Variants in TAFA2 observed in about 807,000 individuals in gnomAD.
TAFA2 encodes the protein chemokine-like protein TAFA-2.
In TAFA2, 7 loss-of-function variants were observed where a neutral mutation model predicts 18.8. That is an observed-to-expected ratio of 0.37 (90% CI 0.21 to 0.70). The LOEUF is 0.70. Ranked by LOEUF, TAFA2 falls within the 30% of genes least tolerant of loss-of-function variation. TAFA2 has a pLI of 0.53. For missense variants in TAFA2, 122 were observed against 158.1 expected (o/e 0.77, Z 1.23); for synonymous variants, 60 against 54.2 (o/e 1.11, Z -0.47).
At chr12:62,037,125 T>C (rs1881631318) in intron 1 of TAFA2, among the ~76,000 whole-genome samples, 1 of 152,358 alleles carries the variant, frequency 6.6e-6, no homozygotes, top group Non-Finnish European at 1.5e-5. Context: ...ACATTTTCCA[T>C]AATGACCAGG....
At chr12:61,897,997 G>A (rs1875928874) in intron 1 of TAFA2, among the ~76,000 whole-genome samples, 1 of 152,186 alleles carries the variant, frequency 6.6e-6, no homozygotes, top group Non-Finnish European at 1.5e-5. Context: ...TTCCAAATGG[G>A]AGAAATTGTC....
intron 4 of TAFA2, among the ~76,000 whole-genome samples, chr12:61,737,496 T>C (rs576457860): frequency 2.0e-5 from 3 of 151,826 alleles, no homozygotes; most frequent in Non-Finnish European, 2.9e-5. Context: ...ACATATAACA[T>C]AGTGGTTAAG....
intron 4 of TAFA2, among the ~76,000 whole-genome samples, chr12:61,733,082 G>A (rs7488993): frequency 0.34 from 52,171 of 151,812 alleles, 8,973 homozygotes; most frequent in South Asian, 0.38. Context: ...ATAAAAATCT[G>A]AACTAACATG....
At chr12:61,832,105 C>T (rs569332445) in intron 2 of TAFA2, among the ~76,000 whole-genome samples, 89 of 152,208 alleles carry the variant, frequency 5.8e-4, no homozygotes, top group African/African-American at 7.9e-4. Context: ...AATCAAGAGA[C>T]AGACACTAAC....
chr12:61,861,399 G>A (rs1218451316), intron 2 of TAFA2, among the ~76,000 whole-genome samples: 2 of 151,902 alleles, frequency 1.3e-5, no homozygotes, highest in African/African-American at 4.8e-5. Flanking sequence ...ACAGGCACAG[G>A]CCAGCGCACC....
intron 1 of TAFA2, chr12:62,021,823 G>A (rs182665696): frequency 7.2e-5 from 60 of 834,124 alleles, no homozygotes; most frequent in Admixed American, 3.8e-4. Context: ...TCTCCGCTGT[G>A]GATCATCAGG....
chr12:62,085,380 T>C (rs1282745620), intron 1 of TAFA2, among the ~76,000 whole-genome samples: 1 of 152,174 alleles, frequency 6.6e-6, no homozygotes, highest in Non-Finnish European at 1.5e-5. Context: ...ACAATGCTTC[T>C]AGGAGTATAA....
At chr12:61,766,859 G>C (rs1315749776) in intron 2 of TAFA2, among the ~76,000 whole-genome samples, 2 of 152,122 alleles carry the variant, frequency 1.3e-5, no homozygotes, top group African/African-American at 4.8e-5. Flanking sequence ...GTGAATATGT[G>C]TGTATGTGTG....
intron 1 of TAFA2, among the ~76,000 whole-genome samples, chr12:62,217,897 A>C (rs1372009618): frequency 6.6e-6 from 1 of 152,240 alleles, no homozygotes; most frequent in South Asian, 2.1e-4. Flanking sequence ...AAAATGAGCC[A>C]GGAGAAAAAA....
At chr12:62,032,179 T>A (rs768635732) in intron 1 of TAFA2, among the ~76,000 whole-genome samples, 1 of 152,132 alleles carries the variant, frequency 6.6e-6, no homozygotes, top group African/African-American at 2.4e-5. Flanking sequence ...ACATCTCTCT[T>A]GGCAATTTTA....
intron 1 of TAFA2, among the ~76,000 whole-genome samples, chr12:61,884,540 T>C (rs1373691003): frequency 6.6e-6 from 1 of 152,156 alleles, no homozygotes; most frequent in Admixed American, 6.5e-5. Context: ...TTAGGTGCAT[T>C]GCATTTCTCA....
chr12:62,083,317 C>T (rs1296919364), intron 1 of TAFA2, among the ~76,000 whole-genome samples: 1 of 151,974 alleles, frequency 6.6e-6, no homozygotes, highest in African/African-American at 2.4e-5. Context: ...GTAATGACAA[C>T]TTCTTCCTTC....
intron 1 of TAFA2, among the ~76,000 whole-genome samples, chr12:62,101,019 ACCC>A (rs1279604627): frequency 6.6e-6 from 1 of 152,152 alleles, no homozygotes; most frequent in Non-Finnish European, 1.5e-5. Context: ...CTTAAAACAT[ACCC>A]ATACTTGCAG....
chr12:62,241,189 T>A (rs1261483232), intron 1 of TAFA2, among the ~76,000 whole-genome samples: 2 of 152,114 alleles, frequency 1.3e-5, no homozygotes, highest in African/African-American at 4.8e-5. Context: ...TTGCAGCACA[T>A]GAGGAGAGTT....
chr12:61,840,021 G>A (rs1379363855), intron 2 of TAFA2, among the ~76,000 whole-genome samples: 3 of 152,136 alleles, frequency 2.0e-5, no homozygotes, highest in African/African-American at 4.8e-5. Flanking sequence ...GAGAGTGTAC[G>A]GAATGTCCAT....
intron 4 of TAFA2, among the ~76,000 whole-genome samples, chr12:61,714,762 C>G (rs750814962): frequency 6.6e-6 from 1 of 152,134 alleles, no homozygotes; most frequent in Non-Finnish European, 1.5e-5. Flanking sequence ...TCTATTCTGT[C>G]CTTTTATAAA....
chr12:62,009,913 C>G (rs1489573660), intron 1 of TAFA2, among the ~76,000 whole-genome samples: 1 of 152,144 alleles, frequency 6.6e-6, no homozygotes, highest in Admixed American at 6.5e-5. Flanking sequence ...TGACAAAGTA[C>G]TGTGTGTTTA....
chr12:61,879,471 T>C (rs992526177), intron 1 of TAFA2: 1 of 691,422 alleles, frequency 1.4e-6, no homozygotes, highest in Non-Finnish European at 2.6e-6. Context: ...GTGGCCTGGG[T>C]GGAGGCTTTG....
At chr12:61,738,750 T>C (rs934564456) in intron 4 of TAFA2, among the ~76,000 whole-genome samples, 3 of 152,100 alleles carry the variant, frequency 2.0e-5, no homozygotes, top group Non-Finnish European at 4.4e-5. Flanking sequence ...TTCTATGGTT[T>C]CTTTCTAGGA....
Sources: gnomAD v4.1 joint callset for allele counts (sites outside exome capture counted in the v4.1 genomes callset) on GRCh38, gnomAD v4.1.1 for gene constraint, MANE v1.5 for transcripts, NCBI Gene and HGNC (gene_info 2026-07-23, HGNC 2026-07-21) for gene names.